Variants in OXSR1 observed in about 807,000 individuals in gnomAD.
OXSR1 encodes serine/threonine-protein kinase OSR1.
In OXSR1, 24 loss-of-function variants were observed where a neutral mutation model predicts 79.8. That is an observed-to-expected ratio of 0.30 (90% confidence interval 0.22 to 0.42). The LOEUF is 0.42. Among genes scored for constraint, OXSR1 ranks in the 10% least tolerant of loss-of-function variants. OXSR1 has a pLI of 1.00. For synonymous variants in OXSR1, 226 were observed against 209.2 expected (o/e 1.08, Z -0.69); for missense variants, 430 against 618.4 (o/e 0.70, Z 3.23).
rs766942470 is a variant in OXSR1 at position 38,242,724 on chromosome 3, CT to C, written c.1075-14del. The C allele has an allele frequency of 1.3e-6, 2 of 1,515,198 alleles. No individual in the cohort carries two copies. Among genetic ancestry groups the C allele is most frequent in the South Asian group, 1.2e-5 (1 of 83,514 alleles). 93.9% of individuals were successfully genotyped at this position (1,515,198 alleles called of 1,614,324 possible). A position where few individuals can be genotyped will look rare whatever the true frequency, so the allele number is the denominator to read the frequency against. On this transcript the variant is annotated intron_variant, in intron 11 of 17. Coordinates refer to ENST00000311806, the MANE Select transcript of OXSR1 (RefSeq NM_005109.3). ...CCTGAGTTGTGAGTTAACAATCATCCTTTTTGTATTTCGTTTAGTCTCCCCG... is the reference window on the plus strand; with the variant it reads ...CCTGAGTTGTGAGTTAACAATCATCCTTTTGTATTTCGTTTAGTCTCCCCG...
At chr3:38,203,454 C>T (rs569675157) in intron 4 of OXSR1, among the ~76,000 whole-genome samples, 14 of 152,230 alleles carry the variant, frequency 9.2e-5, no homozygotes, top group Middle Eastern at 3.4e-3. Flanking sequence ...CTCTCTTCTC[C>T]GCACACAGGG....
chr3:38,221,743 A>G (rs1702595563), intron 6 of OXSR1, 56 bp downstream of exon 6: 2 of 1,023,092 alleles, frequency 2.0e-6, no homozygotes, highest in Non-Finnish European at 3.0e-6. Flanking sequence ...TGAAACTGAA[A>G]AAACTTAATA....
chr3:38,193,515 A>G (rs2125816150), intron 3 of OXSR1: 1 of 707,868 alleles, frequency 1.4e-6, no homozygotes, highest in South Asian at 1.5e-5. Context: ...ATGTTTTGCA[A>G]AAAAGTCCTC....
At chr3:38,166,464 A>G (rs1575297570) in intron 1 of OXSR1, among the ~76,000 whole-genome samples, 2 of 152,208 alleles carry the variant, frequency 1.3e-5, no homozygotes, top group East Asian at 3.9e-4. Context: ...CTGACTTTCC[A>G]GTCGGGGAGG....
chr3:38,206,955 A>G (rs1057173965), intron 4 of OXSR1, among the ~76,000 whole-genome samples: 16 of 152,238 alleles, frequency 1.1e-4, no homozygotes, highest in Non-Finnish European at 2.4e-4. Context: ...TATCTCATAA[A>G]GTAGTTGTGA....
At chr3:38,219,220 C>G (rs984664540) in intron 5 of OXSR1, among the ~76,000 whole-genome samples, 3 of 152,086 alleles carry the variant, frequency 2.0e-5, no homozygotes, top group Non-Finnish European at 4.4e-5. Context: ...TCAGGGTTCA[C>G]TTGGAAACAA....
intron 1 of OXSR1, among the ~76,000 whole-genome samples, chr3:38,172,366 T>C (rs892053151): frequency 1.1e-4 from 17 of 152,196 alleles, no homozygotes; most frequent in Non-Finnish European, 1.5e-5. Flanking sequence ...AATAATACAA[T>C]ATGATGGCAG....
chr3:38,172,891 T>C (rs1379263444), intron 1 of OXSR1, among the ~76,000 whole-genome samples: 1 of 152,358 alleles, frequency 6.6e-6, no homozygotes, highest in East Asian at 1.9e-4. Context: ...GCCTAGGTGC[T>C]GTCAGGCACC....
At chr3:38,177,852 T>A (rs990721575) in intron 1 of OXSR1, among the ~76,000 whole-genome samples, 10 of 152,022 alleles carry the variant, frequency 6.6e-5, no homozygotes, top group African/African-American at 2.4e-4. Flanking sequence ...CTTCCCAAAG[T>A]GCTGAGATTA....
intron 2 of OXSR1, among the ~76,000 whole-genome samples, chr3:38,189,471 A>C (rs896395024): frequency 1.3e-5 from 2 of 152,186 alleles, no homozygotes; most frequent in Non-Finnish European, 2.9e-5. Context: ...GGGTTGCAAG[A>C]TATGTATGGC....
intron 6 of OXSR1, among the ~76,000 whole-genome samples, chr3:38,221,984 T>A (rs1197945753): frequency 6.6e-6 from 1 of 152,234 alleles, no homozygotes; most frequent in Non-Finnish European, 1.5e-5. Context: ...TTCTAAATTA[T>A]GTCCAGTTTT....
chr3:38,201,601 T>C (rs1463650929), intron 4 of OXSR1, among the ~76,000 whole-genome samples: 1 of 152,084 alleles, frequency 6.6e-6, no homozygotes, highest in Non-Finnish European at 1.5e-5. Flanking sequence ...TCCTAGCTAC[T>C]CAGGAGGCTG....
At chr3:38,202,983 A>G (rs186329456) in intron 4 of OXSR1, among the ~76,000 whole-genome samples, 2 of 152,268 alleles carry the variant, frequency 1.3e-5, no homozygotes, top group Admixed American at 6.5e-5. Context: ...AAGGCTGGAT[A>G]TTATCCAGGC....
At chr3:38,199,848 G>A (rs1194380306) in intron 4 of OXSR1, among the ~76,000 whole-genome samples, 2 of 152,214 alleles carry the variant, frequency 1.3e-5, no homozygotes, top group Non-Finnish European at 2.9e-5. Flanking sequence ...TCACGGGTCT[G>A]TGAGCACTCT....
At chr3:38,247,896 T>G (rs1359638581) in intron 14 of OXSR1, among the ~76,000 whole-genome samples, 164 bp downstream of exon 14, 1 of 152,100 alleles carries the variant, frequency 6.6e-6, no homozygotes, top group Non-Finnish European at 1.5e-5. Context: ...ATAGCAACAG[T>G]GTGAGGACCT....
chr3:38,171,308 G>C (rs774255993), intron 1 of OXSR1, among the ~76,000 whole-genome samples: 2 of 152,120 alleles, frequency 1.3e-5, no homozygotes, highest in Non-Finnish European at 2.9e-5. Context: ...TTTATAATAA[G>C]CTATAGTCTT....
chr3:38,230,276 T>C, intron 9 of OXSR1, 89 bp from the exon 10 acceptor site: 1 of 796,006 alleles, frequency 1.3e-6, no homozygotes. Flanking sequence ...AGTTACTATA[T>C]CACATTTTGA....
chr3:38,200,004 G>A (rs1244883339), intron 4 of OXSR1, among the ~76,000 whole-genome samples: 1 of 152,186 alleles, frequency 6.6e-6, no homozygotes, highest in Non-Finnish European at 1.5e-5. Flanking sequence ...GACCTGCATA[G>A]TCCTTTGCTG....
At chr3:38,187,279 A>G (rs1003142057) in intron 2 of OXSR1, among the ~76,000 whole-genome samples, 1 of 152,210 alleles carries the variant, frequency 6.6e-6, no homozygotes, top group African/African-American at 2.4e-5. Context: ...ACAATCCACT[A>G]AATTTATTTC....
Sources: gnomAD v4.1 joint callset for allele counts (sites outside exome capture counted in the v4.1 genomes callset) on GRCh38, gnomAD v4.1.1 for gene constraint, MANE v1.5 for transcripts, NCBI Gene and HGNC (gene_info 2026-07-23, HGNC 2026-07-21) for gene names.